The following HIRIP3 variants were observed in gnomAD, a reference collection of about 807,000 sequenced individuals.
HIRIP3 encodes HIRA-interacting protein 3.
A neutral mutation model predicts 50.3 loss-of-function variants in HIRIP3; 40 were observed. That is an observed-to-expected ratio of 0.79 (90% CI 0.62 to 1.03). The LOEUF is 1.03. HIRIP3 is among the 50% of genes least tolerant of loss of function. HIRIP3 has a pLI of 0.00. For synonymous variants in HIRIP3, 318 were observed against 261.6 expected (o/e 1.22, Z -2.08); for missense variants, 765 against 705.4 (o/e 1.08, Z -0.96).
Position 29,993,784 on chromosome 16 carries a change from C to CCT in HIRIP3, c.1262_1263dup (p.Asp422ArgfsTer6). ...TTCAGCCTCATCACAGCCGGGTGGTCCTCTCCACGGCGACCTGAGCCAGCC... is the reference window on the plus strand; with the variant it reads ...TTCAGCCTCATCACAGCCGGGTGGTCCTCTCTCCACGGCGACCTGAGCCAGCC... On this transcript the variant is annotated frameshift_variant, in exon 5 of 7. Coordinates refer to ENST00000279392, the MANE Select transcript of HIRIP3 (RefSeq NM_003609.5). LOFTEE classifies it high-confidence loss of function. 1 of 1,611,752 alleles carries CCT rather than the reference C, an allele frequency of 6.2e-7. No homozygotes were observed. Among genetic ancestry groups the CCT allele is most frequent in the Non-Finnish European group, 8.5e-7 (1 of 1,179,996 alleles).
rs1415150195 is a variant in HIRIP3, at chr16:29,993,875, A to C, written c.1239+31T>G. The stretch of plus-strand genomic sequence containing the variant: ...TGAGGCAGGGTCTCCCTCTTCCCTA[A>C]TAGTGGCCTCCCACCCCTCCTCACC... On this transcript the variant is annotated intron_variant, in intron 4 of 6. Transcript: ENST00000279392. The C allele has an allele frequency of 2.5e-6, 4 of 1,597,110 alleles. No individual in the cohort carries two copies. In the South Asian group the frequency reaches 4.5e-5, roughly 18 times the overall value.
rs1447576741 is a variant in HIRIP3, at chr16:29,993,651, A to G, written c.1397T>C (p.Leu466Pro). 2.5e-6 allele frequency: 4 copies of G among 1,612,276 alleles called. No individual in the cohort carries two copies. The highest frequency in any genetic ancestry group is 2.5e-6 in the Non-Finnish European group (3 of 1,179,964). The change falls in exon 5 of 7, where the codon CTA (leucine) becomes CCA (proline). Residue 466 changes from leucine to proline, a missense_variant. By Grantham distance (98) the Leu-to-Pro change is moderately conservative. Transcript: ENST00000279392. ...ACGCCGGGCCTCACCCTTCATGCCT[A>G]GCGCTTCCAGTTCTGCCCGGAGGAT... is the stretch of plus-strand genomic sequence containing the variant. ...LSILRAELEA[L>P]GMKGTPSLGK...
rs2070007187 is a variant in HIRIP3 at position 29,993,221 on chromosome 16, C to T, written c.1657G>A (p.Gly553Ser). The change falls in exon 7 of 7, where the codon GGC becomes AGC. Residue 553 changes from glycine (G) to serine (S), a missense_variant. Transcript: ENST00000279392. ...SHMRGIISSD[G>S]ESN Reference sequence around the variant, plus strand: ...GGTGGCAGAGCTCAGTTACTCTCGCCATCACTGCTGATGATGCCACGCATA... The same window carrying T: ...GGTGGCAGAGCTCAGTTACTCTCGCTATCACTGCTGATGATGCCACGCATA... 2.5e-6 allele frequency: 4 copies of T among 1,592,408 alleles called. No homozygotes were observed. Among genetic ancestry groups the T allele is most frequent in the African/African-American group, 1.3e-5 (1 of 74,104 alleles).
chr16:29,995,187 G>A lies in HIRIP3; in HGVS notation c.217C>T (p.Leu73=). The A allele has an allele frequency of 6.2e-7, 1 of 1,614,258 alleles. No homozygotes were observed. The highest frequency in any genetic ancestry group is 8.5e-7 in the Non-Finnish European group (1 of 1,180,046). ...CTCTTGCCCTTCTTGGTAAGGTCCA[G>A]TTTGTCTTCCCTGGAAGCGGCTTCA... The part of the protein sequence containing the change: ...VDEAASREDK[L]DLTKKGKRPP... The change falls in exon 3 of 7, where the codon CTG becomes TTG. Residue 73 remains leucine, a synonymous_variant. Transcript: ENST00000279392.
intron 1 of HIRIP3, 29 bp from the exon 2 acceptor site, chr16:29,995,492 C>A: frequency 2.5e-6 from 4 of 1,613,620 alleles, no homozygotes; most frequent in Non-Finnish European, 3.4e-6. Context: ...AGGACGGAGT[C>A]CCGACCCACC....
Position 29,994,821 on chromosome 16 carries a change from G to T in HIRIP3, c.324C>A (p.Ser108Arg). ...SESESGSEAS[S>R]PDYFGPPAKN... ...TTGCTGGGGGTCCAAAGTAGTCTGG[G>T]CTGGAGGCTTCAGAGCCGGACTCTG... Residue 108 changes from serine (S) to arginine (R), a missense_variant, in exon 4 of 7, where the codon AGC becomes AGA. Ser to Arg is a moderately radical substitution (Grantham distance 110). Transcript: ENST00000279392. 1 of 1,611,964 alleles carries T rather than the reference G, an allele frequency of 6.2e-7. No individual in the cohort carries two copies. The highest frequency in any genetic ancestry group is 8.5e-7 in the Non-Finnish European group (1 of 1,178,988).
chr16:29,995,413 C>T lies in HIRIP3; in HGVS notation c.116G>A (p.Arg39His), dbSNP rs1282576784. 5 of 1,613,460 alleles carry T rather than the reference C, an allele frequency of 3.1e-6. No individual in the cohort carries two copies. In the African/African-American group the frequency reaches 5.3e-5, roughly 17 times the overall value. ...VRRRYLAHSG[R>H]SHLEPEEKQA... Reference sequence around the variant, plus strand: ...CTTCTCCTCGGGCTCCAGGTGGCTGCGGCCCGAGTGAGCTAAGTACCTCCG... The same window carrying T: ...CTTCTCCTCGGGCTCCAGGTGGCTGTGGCCCGAGTGAGCTAAGTACCTCCG... Residue 39 changes from arginine to histidine, a missense_variant, in exon 2 of 7, where the codon CGC (arginine) becomes CAC (histidine). By Grantham distance (29) the Arg-to-His change is conservative. Coordinates refer to ENST00000279392, the MANE Select transcript of HIRIP3 (RefSeq NM_003609.5).
rs757667702 is a variant in HIRIP3, at chr16:29,994,271, C to A, written c.874G>T (p.Glu292Ter). The change falls in exon 4 of 7, where the codon GAG (glutamate) becomes TAG (stop). Residue 292 changes from glutamate (E) to a stop codon, truncating the protein, a stop_gained. Transcript: ENST00000279392. LOFTEE classifies it high-confidence loss of function. ...AKRLLGDSDS[E>*]EEQKEAASSG... ...CTGGCTGCCTCTTTCTGCTCTTCCT[C>A]GCTGTCTGAGTCTCCCAAGAGCCTC... 6.2e-7 allele frequency: 1 copy of A among 1,614,180 alleles called. No homozygotes were observed. Among genetic ancestry groups the A allele is most frequent in the South Asian group, 1.1e-5 (1 of 91,072 alleles).
intron 2 of HIRIP3, 29 bp downstream of exon 2, chr16:29,995,314 C>T (rs1328859936): frequency 1.2e-6 from 2 of 1,609,200 alleles, no homozygotes; most frequent in African/African-American, 1.3e-5. Context: ...GCCTCCGCCT[C>T]CCGCGGCCCA....
At position 29,994,193 on chromosome 16, in the gene HIRIP3, C is replaced by G; in HGVS notation, c.952G>C (p.Glu318Gln). The G allele has an allele frequency of 6.2e-7, 1 of 1,614,162 alleles. No homozygotes were observed. The highest frequency in any genetic ancestry group is 2.2e-5 in the East Asian group (1 of 44,878). The change falls in exon 4 of 7, where the codon GAG (glutamate) becomes CAG (glutamine). Residue 318 changes from glutamate to glutamine, a missense_variant. Physicochemically the swap from Glu to Gln is conservative, Grantham distance 29. Transcript: ENST00000279392. Reference sequence around the variant, plus strand: ...CCACCCTTAAGCTGGGTCCTGTCCTCACTCTTCCTCTGCACTGGGGGTTCT... The same window carrying G: ...CCACCCTTAAGCTGGGTCCTGTCCTGACTCTTCCTCTGCACTGGGGGTTCT... ...DREPPVQRKS[E>Q]DRTQLKGGKR... is the part of the protein sequence containing the mutation.
upstream of HIRIP3, chr16:29,995,728 T>C: frequency 1.6e-6 from 2 of 1,278,046 alleles, no homozygotes; most frequent in Non-Finnish European, 2.2e-6. Context: ...CGTTGGCCCT[T>C]GGCCGCGGAC....
rs1330737568 is a variant in HIRIP3 at position 29,995,443 on chromosome 16, A to G, written c.86T>C (p.Val29Ala). 1 of 1,613,732 alleles carries G rather than the reference A, an allele frequency of 6.2e-7. No homozygotes were observed. The highest frequency in any genetic ancestry group is 1.1e-5 in the South Asian group (1 of 91,070). Reference sequence around the variant, plus strand: ...CGAGTGAGCTAAGTACCTCCGCCGCACGATGGAATGCGTAAGCGTGCTGCA... The same window carrying G: ...CGAGTGAGCTAAGTACCTCCGCCGCGCGATGGAATGCGTAAGCGTGCTGCA... Reference protein sequence around the residue: ...PDLSTLTHSIVRRRYLAHSGR... With the variant: ...PDLSTLTHSIARRRYLAHSGR... The change falls in exon 2 of 7, where the codon GTG becomes GCG. Residue 29 changes from valine (V) to alanine (A), a missense_variant. Transcript: ENST00000279392.
At position 29,992,980 on chromosome 16, in the gene HIRIP3, G is replaced by A; in HGVS notation, c.*227C>T. ...GCCCAAAATACAGGAGGTGAGAATGGGGGACCAAATTTGATGAGGTGATTA... is the reference window on the plus strand; with the variant it reads ...GCCCAAAATACAGGAGGTGAGAATGAGGGACCAAATTTGATGAGGTGATTA... On this transcript the variant is annotated 3_prime_UTR_variant, in exon 7 of 7. Transcript: ENST00000279392. 2.6e-6 allele frequency: 1 copy of A among 390,878 alleles called. No homozygotes were observed. The allele number at this position is 390,878 out of a possible 1,614,324, so 24.2% of individuals were successfully genotyped here.
chr16:29,993,799 C>T lies in HIRIP3; in HGVS notation c.1249G>A (p.Gly417Ser). 1 of 1,613,052 alleles carries T rather than the reference C, an allele frequency of 6.2e-7. No individual in the cohort carries two copies. The highest frequency in any genetic ancestry group is 8.5e-7 in the Non-Finnish European group (1 of 1,179,998). ...PEAKGGKAGSGRRGEDHPAVM... is the reference protein window; with the variant it reads ...PEAKGGKAGSSRRGEDHPAVM... ...GCCGGGTGGTCCTCTCCACGGCGAC[C>T]TGAGCCAGCCTAGCAAGGAAAGAGC... Residue 417 changes from glycine to serine, a missense_variant, in exon 5 of 7, where the codon GGT (glycine) becomes AGT (serine). Transcript: ENST00000279392.
rs1336807987 is a variant in HIRIP3, at chr16:29,995,527, A to G, written c.65+14T>C. ...CCGCGCCCTTTCCAACCCCATCTCC[A>G]ACCCCCTGGGCACCTGAGGTCCGGG... On this transcript the variant is annotated intron_variant, in intron 1 of 6. Coordinates refer to ENST00000279392, the MANE Select transcript of HIRIP3 (RefSeq NM_003609.5). The G allele has an allele frequency of 2.5e-6, 4 of 1,613,442 alleles. No individual in the cohort carries two copies. In the South Asian group the frequency reaches 4.4e-5, roughly 18 times the overall value.
In HIRIP3 at chr16:29,994,467, C is replaced by G. The variant is rs1347604978; in HGVS notation, c.678G>C (p.Glu226Asp). 3.7e-6 allele frequency: 6 copies of G among 1,614,134 alleles called. No homozygotes were observed. In the South Asian group the frequency reaches 5.5e-5, roughly 15 times the overall value. Residue 226 changes from glutamate (E) to aspartate (D), a missense_variant, in exon 4 of 7, where the codon GAG becomes GAC. Coordinates refer to ENST00000279392, the MANE Select transcript of HIRIP3 (RefSeq NM_003609.5). The stretch of plus-strand genomic sequence containing the variant: ...TCTGGGCTAGGATCTCCTCTTCACT[C>G]TCCTGTTCACTTTCCTTCAGGCTTT... ...GTKSLKESEQESEEEILAQKK... is the reference protein window; with the variant it reads ...GTKSLKESEQDSEEEILAQKK...
chr16:29,995,345 G>A lies in HIRIP3; in HGVS notation c.184C>T (p.Gln62Ter). Residue 62 changes from glutamine to a stop codon, truncating the protein, a stop_gained and splice_region_variant, in exon 2 of 7, where the codon CAG (glutamine) becomes TAG (stop). Transcript: ENST00000279392. LOFTEE classifies it high-confidence loss of function. ...GCCCAGGCTCCGGCCCGGCACACCT[G>A]CATCTTCAGCAGCTCCTCCTCCACC... ...RLVEEELLKM[Q>*]VDEAASREDK... The A allele has an allele frequency of 6.2e-7, 1 of 1,610,370 alleles. No homozygotes were observed. The highest frequency in any genetic ancestry group is 8.5e-7 in the Non-Finnish European group (1 of 1,178,524).
Position 29,994,480 on chromosome 16 carries a change from T to A in HIRIP3, c.665A>T (p.Glu222Val). 1 of 1,614,202 alleles carries A rather than the reference T, an allele frequency of 6.2e-7. No individual in the cohort carries two copies. Among genetic ancestry groups the A allele is most frequent in the Non-Finnish European group, 8.5e-7 (1 of 1,180,044 alleles). The change falls in exon 4 of 7, where the codon GAA becomes GTA. Residue 222 changes from glutamate (E) to valine (V), a missense_variant. By Grantham distance (121) the Glu-to-Val change is moderately radical. Coordinates refer to ENST00000279392, the MANE Select transcript of HIRIP3 (RefSeq NM_003609.5). ...EGNKGTKSLKESEQESEEEIL... is the reference protein window; with the variant it reads ...EGNKGTKSLKVSEQESEEEIL... The stretch of plus-strand genomic sequence containing the variant: ...CTCCTCTTCACTCTCCTGTTCACTT[T>A]CCTTCAGGCTTTTAGTTCCTTTATT...
At position 29,994,838 on chromosome 16, in the gene HIRIP3, C is replaced by T. The variant is rs746998480; in HGVS notation, c.307G>A (p.Gly103Ser). ...TAGTCTGGGCTGGAGGCTTCAGAGC[C>T]GGACTCTGGAATATGGAGAGGAGAG... ...RFRFNSESES[G>S]SEASSPDYFG... The change falls in exon 4 of 7, where the codon GGC (glycine) becomes AGC (serine). Residue 103 changes from glycine (G) to serine (S), a missense_variant. Gly to Ser is a moderately conservative substitution (Grantham distance 56, BLOSUM62 0). Coordinates refer to ENST00000279392, the MANE Select transcript of HIRIP3 (RefSeq NM_003609.5). 1 of 1,604,382 alleles carries T rather than the reference C, an allele frequency of 6.2e-7. No homozygotes were observed. The highest frequency in any genetic ancestry group is 8.5e-7 in the Non-Finnish European group (1 of 1,175,452).
Sources: gnomAD v4.1 joint callset for allele counts on GRCh38, gnomAD v4.1.1 for gene constraint, MANE v1.5 for transcripts, NCBI Gene and HGNC (gene_info 2026-07-23, HGNC 2026-07-21) for gene names.